The following SHC4 variants were observed in gnomAD, a reference collection of about 807,000 sequenced individuals.
SHC4 encodes the protein SHC adaptor protein 4.
SHC4 carries 41 observed loss-of-function variants against 69.4 expected under a neutral mutation model. That is an observed-to-expected ratio of 0.59 (90% CI 0.46 to 0.77). SHC4 has a LOEUF of 0.77. Ranked by LOEUF, SHC4 falls within the 30% of genes least tolerant of loss-of-function variation. The probability of loss-of-function intolerance (pLI) is 0.00; values close to 1 mark genes in which losing one functional copy is unlikely to be tolerated. For missense variants in SHC4, 777 were observed against 783.8 expected (o/e 0.99, Z 0.10); for synonymous variants, 318 against 299.3 (o/e 1.06, Z -0.64).
At chr15:48,920,942 A>AGAAGGAGAAGGAGAAGAAGGT (rs1220183826) in intron 2 of SHC4, among the ~76,000 whole-genome samples, 1 of 151,750 alleles carries the variant, frequency 6.6e-6, no homozygotes, top group African/African-American at 2.4e-5. Flanking sequence ...AAGAAGGAGG[A>AGAAGGAGAAGGAGAAGAAGGT]GAAGGAGAAG....
intron 2 of SHC4, among the ~76,000 whole-genome samples, chr15:48,909,232 G>GT (rs1359982294): frequency 6.7e-6 from 1 of 150,248 alleles, no homozygotes; most frequent in African/African-American, 2.4e-5. Context: ...TTTCAGCATT[G>GT]TTTTGTAGTC....
At chr15:48,863,221 C>CA (rs1404170407) in intron 6 of SHC4, among the ~76,000 whole-genome samples, 3 of 151,892 alleles carry the variant, frequency 2.0e-5, no homozygotes, top group African/African-American at 7.3e-5. Context: ...ATAAAAATTA[C>CA]AGAAAATTTC....
chr15:48,890,676 C>A, intron 3 of SHC4, 72 bp downstream of exon 3: 1 of 1,574,968 alleles, frequency 6.3e-7, no homozygotes, highest in African/African-American at 1.3e-5. Context: ...GTGGGATGAA[C>A]GAACAGCGAT....
chr15:48,958,805 T>G (rs566613180), intron 1 of SHC4, among the ~76,000 whole-genome samples: 36 of 152,304 alleles, frequency 2.4e-4, no homozygotes, highest in African/African-American at 8.7e-4. Flanking sequence ...GACTCAGTCT[T>G]ATGGGGAGAA....
chr15:48,891,199 A>G (rs1341496985), intron 2 of SHC4, among the ~76,000 whole-genome samples: 4 of 152,220 alleles, frequency 2.6e-5, no homozygotes, highest in Non-Finnish European at 1.5e-5. Context: ...TATGAATAAA[A>G]AGCTTCATAG....
chr15:48,945,669 T>G (rs918601072), intron 1 of SHC4, among the ~76,000 whole-genome samples: 1 of 151,802 alleles, frequency 6.6e-6, no homozygotes. Flanking sequence ...AAAACACAAA[T>G]CCACAGAGAC....
intron 5 of SHC4, 40 bp downstream of exon 5, chr15:48,872,049 T>C: frequency 1.5e-6 from 2 of 1,332,246 alleles, no homozygotes; most frequent in Non-Finnish European, 2.1e-6. Flanking sequence ...CAAGAAGTTA[T>C]TTTAACTCAT....
intron 2 of SHC4, among the ~76,000 whole-genome samples, chr15:48,908,838 T>C (rs957227303): frequency 1.3e-5 from 2 of 152,192 alleles, no homozygotes; most frequent in African/African-American, 4.8e-5. Context: ...TTTTGTTTGC[T>C]TTGTTGAAGA....
At chr15:48,939,626 A>G (rs1901138306) in intron 1 of SHC4, among the ~76,000 whole-genome samples, 1 of 152,194 alleles carries the variant, frequency 6.6e-6, no homozygotes, top group Non-Finnish European at 1.5e-5. Flanking sequence ...TCAATACACT[A>G]TGCTGAATGT....
intron 10 of SHC4, among the ~76,000 whole-genome samples, chr15:48,836,012 T>C (rs1459828971): frequency 2.8e-5 from 1 of 35,166 alleles, no homozygotes; most frequent in African/African-American, 1.2e-4. Flanking sequence ...ATCCTGTCTC[T>C]ACAAAAAATC....
chr15:48,866,735 G>A (rs937684882), intron 6 of SHC4, among the ~76,000 whole-genome samples: 2 of 152,030 alleles, frequency 1.3e-5, no homozygotes, highest in African/African-American at 4.8e-5. Context: ...TTTCCACCTC[G>A]GTGTCTTATA....
intron 6 of SHC4, among the ~76,000 whole-genome samples, chr15:48,862,181 T>C (rs1286837764): frequency 1.3e-5 from 2 of 151,144 alleles, no homozygotes; most frequent in African/African-American, 4.8e-5. Flanking sequence ...TTAAGTTGGT[T>C]TTACTGGTTT....
chr15:48,841,412 G>A (rs1481711853), intron 10 of SHC4, among the ~76,000 whole-genome samples: 1 of 152,116 alleles, frequency 6.6e-6, no homozygotes, highest in Non-Finnish European at 1.5e-5. Flanking sequence ...GTCCTCTGTG[G>A]TAGCCACAGA....
intron 1 of SHC4, among the ~76,000 whole-genome samples, chr15:48,953,523 A>G (rs188268053): frequency 1.3e-5 from 2 of 152,278 alleles, no homozygotes; most frequent in East Asian, 3.9e-4. Flanking sequence ...AGGCCAGACA[A>G]TGGGCCTCTC....
At chr15:48,850,164 T>C (rs952651972) in intron 9 of SHC4, among the ~76,000 whole-genome samples, 6 of 152,048 alleles carry the variant, frequency 3.9e-5, no homozygotes, top group Admixed American at 6.5e-5. Context: ...GGTTGCGCCA[T>C]TGCACTCCAG....
chr15:48,875,188 A>G (rs919038461), intron 4 of SHC4, among the ~76,000 whole-genome samples: 3 of 128,482 alleles, frequency 2.3e-5, no homozygotes, highest in African/African-American at 7.7e-5. Flanking sequence ...ACATGTAGCA[A>G]GTGGCTATCT....
intron 1 of SHC4, among the ~76,000 whole-genome samples, chr15:48,956,970 CTTTCTTTTTTTTTT>C (rs1901466093): frequency 1.4e-5 from 1 of 70,166 alleles, no homozygotes; most frequent in Non-Finnish European, 2.6e-5. Context: ...TTCTTTCTTT[CTTTCTTTTTTTTTT>C]TTTTTTTTTT....
At chr15:48,953,839 A>T (rs1309045067) in intron 1 of SHC4, among the ~76,000 whole-genome samples, 1 of 152,198 alleles carries the variant, frequency 6.6e-6, no homozygotes, top group African/African-American at 2.4e-5. Flanking sequence ...CATATGGCTC[A>T]TGTGGCTCAC....
At chr15:48,832,054 T>A (rs1422877031) in intron 11 of SHC4, among the ~76,000 whole-genome samples, 1 of 152,222 alleles carries the variant, frequency 6.6e-6, no homozygotes, top group East Asian at 1.9e-4. Flanking sequence ...GTGGATAAAC[T>A]GAGGTCTGGA....
Sources: gnomAD v4.1 joint callset for allele counts (sites outside exome capture counted in the v4.1 genomes callset) on GRCh38, gnomAD v4.1.1 for gene constraint, MANE v1.5 for transcripts, NCBI Gene and HGNC (gene_info 2026-07-23, HGNC 2026-07-21) for gene names.